Variants in STPG1 observed in about 807,000 individuals in gnomAD.
STPG1 encodes sperm tail PG-rich repeat containing 1, also known as O(6)-methylguanine-induced apoptosis 2.
In STPG1, 33 loss-of-function variants were observed where a neutral mutation model predicts 40.1. The observed-to-expected ratio is 0.82, with a 90% CI of 0.62 to 1.10. STPG1 has a LOEUF of 1.10. Ranked by LOEUF, STPG1 falls within the 50% of genes least tolerant of loss-of-function variation. STPG1 has a pLI of 0.00. For missense variants in STPG1, 396 were observed against 415.1 expected (o/e 0.95, Z 0.40); for synonymous variants, 150 against 155.0 (o/e 0.97, Z 0.24).
chr1:24,388,188 G>A (rs569372815), intron 3 of STPG1, among the ~76,000 whole-genome samples: 51 of 152,166 alleles, frequency 3.4e-4, no homozygotes, highest in African/African-American at 1.2e-3. Context: ...TTATTTTTAG[G>A]ATGAGGAAAC....
intron 3 of STPG1, 53 bp downstream of exon 3, chr1:24,391,508 G>A (rs138074662): frequency 1.5e-4 from 175 of 1,179,044 alleles, no homozygotes; most frequent in African/African-American, 1.4e-3. Flanking sequence ...TGCCTGTCCC[G>A]CAAGGCTAAA....
chr1:24,382,722 CA>C (rs34205812), intron 4 of STPG1, among the ~76,000 whole-genome samples: 15,420 of 151,922 alleles, frequency 0.1, 805 homozygotes, highest in Non-Finnish European at 0.12. Context: ...CCGATTCTGC[CA>C]AATTCGAATT....
chr1:24,404,971 T>A (rs933781190), intron 1 of STPG1, among the ~76,000 whole-genome samples: 3 of 152,250 alleles, frequency 2.0e-5, no homozygotes, highest in African/African-American at 7.2e-5. Flanking sequence ...TTCTAGCTTT[T>A]TAGGTGGAAG....
chr1:24,412,358 T>A (rs1251616611), intron 1 of STPG1, among the ~76,000 whole-genome samples: 1 of 152,162 alleles, frequency 6.6e-6, no homozygotes, highest in Non-Finnish European at 1.5e-5. Flanking sequence ...GACTCTCTGC[T>A]CAAACCTTCT....
rs1359552977 is a variant in STPG1, at chr1:24,379,636, A to G, written c.462+17T>C. ...TTAATTCGATCTGTATTTAGCAAGC[A>G]TAGGCAGAGTTCTTACATTGTAATA... On this transcript the variant is annotated intron_variant, in intron 5 of 8. Transcript: ENST00000337248. 1 of 1,613,364 alleles carries G rather than the reference A, an allele frequency of 6.2e-7. No individual in the cohort carries two copies. Among genetic ancestry groups the G allele is most frequent in the Non-Finnish European group, 8.5e-7 (1 of 1,179,268 alleles).
rs775581295 is a variant in STPG1, at chr1:24,358,545, A to G, written c.1003T>C (p.Ter335GlnextTer30). The G allele has an allele frequency of 6.2e-7, 1 of 1,613,136 alleles. No individual in the cohort carries two copies. The highest frequency in any genetic ancestry group is 8.5e-7 in the Non-Finnish European group (1 of 1,179,096). ...CTCCTTGACCTTGTGTGACATCCCTACAGAACCGGGATCCATTTCTTGTCC... is the reference window on the plus strand; with the variant it reads ...CTCCTTGACCTTGTGTGACATCCCTGCAGAACCGGGATCCATTTCTTGTCC... ...NEDKKWIPVL* is the reference protein window; with the variant it reads ...NEDKKWIPVLQ Residue 335 changes from the stop codon to glutamine (Q), a stop_lost, in exon 9 of 9, where the codon TAG becomes CAG. Transcript: ENST00000337248.
intron 5 of STPG1, 179 bp downstream of exon 5, chr1:24,379,474 G>A (rs1642181503): frequency 1.6e-6 from 1 of 634,520 alleles, no homozygotes; most frequent in South Asian, 2.0e-5. Context: ...CTGATCTCTG[G>A]GGTCTGCAAA....
intron 1 of STPG1, among the ~76,000 whole-genome samples, chr1:24,404,194 C>A (rs1409576274): frequency 6.6e-6 from 1 of 152,088 alleles, no homozygotes; most frequent in Non-Finnish European, 1.5e-5. Flanking sequence ...GATGATCATA[C>A]AATTGTTCTT....
chr1:24,406,237 A>C (rs1383996259), intron 1 of STPG1, among the ~76,000 whole-genome samples: 2 of 152,118 alleles, frequency 1.3e-5, no homozygotes, highest in African/African-American at 4.8e-5. Context: ...TAAGGTTTAC[A>C]GTATACATCT....
intron 1 of STPG1, among the ~76,000 whole-genome samples, chr1:24,405,210 G>A (rs1643368789): frequency 6.6e-6 from 1 of 152,082 alleles, no homozygotes; most frequent in Non-Finnish European, 1.5e-5. Flanking sequence ...TGCCCACCTT[G>A]GCCTCCCAAA....
rs1305011623 is a variant in STPG1, at chr1:24,359,931, T to G, written c.928+920A>C. ...TGTAACAGGGGATCCCTACTTATGC[T>G]TGCCTGTAAAAAGAGTGTGGCGCTA... On this transcript the variant is annotated intron_variant, in intron 8 of 8. Coordinates refer to ENST00000337248, the MANE Select transcript of STPG1 (RefSeq NM_001199013.2). The surrounding 1 kb of genome is among the most constrained non-coding windows in gnomAD (Gnocchi z 5.3). 6.6e-6 allele frequency among the ~76,000 whole-genome samples: 1 copy of G among 152,162 alleles called. No individual in the cohort carries two copies. The highest frequency in any genetic ancestry group is 2.4e-5 in the African/African-American group (1 of 41,434).
At chr1:24,385,198 A>G in intron 3 of STPG1, among the ~76,000 whole-genome samples, 1 of 152,174 alleles carries the variant, frequency 6.6e-6, no homozygotes, top group East Asian at 1.9e-4. Flanking sequence ...GCAGTGTGTA[A>G]TTATGGTTTC....
intron 2 of STPG1, among the ~76,000 whole-genome samples, chr1:24,392,360 G>C (rs1205009690): frequency 1.3e-5 from 2 of 152,210 alleles, no homozygotes; most frequent in Non-Finnish European, 2.9e-5. Flanking sequence ...ATAGCAGGTT[G>C]ATTATAGACT....
intron 3 of STPG1, among the ~76,000 whole-genome samples, chr1:24,386,391 AAG>A (rs1239076527): frequency 1.8e-4 from 27 of 152,236 alleles, no homozygotes; most frequent in African/African-American, 5.3e-4. Flanking sequence ...AGTGAGCAAA[AAG>A]AGAGTCCTCC....
chr1:24,376,972 T>G (rs982281354), intron 5 of STPG1, among the ~76,000 whole-genome samples: 1 of 152,002 alleles, frequency 6.6e-6, no homozygotes, highest in African/African-American at 2.4e-5. Flanking sequence ...AAAAAATATG[T>G]CAGATTGGCT....
At position 24,360,765 on chromosome 1, in the gene STPG1, A is replaced by G. The variant is rs1202273124; in HGVS notation, c.928+86T>C. The G allele has an allele frequency of 3.2e-6, 4 of 1,258,196 alleles. No individual in the cohort carries two copies. In the East Asian group the frequency reaches 9.4e-5, roughly 30 times the overall value. The allele number at this position is 1,258,196 out of a possible 1,614,324, so 77.9% of individuals were successfully genotyped here. On this transcript the variant is annotated intron_variant, in intron 8 of 8. Transcript: ENST00000337248. ...CTGTAACCTATTTGGGAAACAACCT[A>G]TAAATCAATGGCATTTGATGACCCA...
intron 2 of STPG1, among the ~76,000 whole-genome samples, chr1:24,395,823 T>A (rs1234057006): frequency 6.6e-6 from 1 of 151,994 alleles, no homozygotes; most frequent in Non-Finnish European, 1.5e-5. Flanking sequence ...TTGGGAGGCC[T>A]CCTCACCAAA....
chr1:24,404,737 C>T (rs1168043622), intron 1 of STPG1, among the ~76,000 whole-genome samples: 2 of 152,166 alleles, frequency 1.3e-5, no homozygotes, highest in African/African-American at 4.8e-5. Flanking sequence ...TCTGCAGGTT[C>T]TGTAGTGATG....
intron 5 of STPG1, among the ~76,000 whole-genome samples, chr1:24,374,468 C>T (rs1169765724): frequency 6.6e-6 from 1 of 151,940 alleles, no homozygotes; most frequent in East Asian, 1.9e-4. Flanking sequence ...ACCATGTTAA[C>T]CAGGATGGCC....
Sources: gnomAD v4.1 joint callset for allele counts (sites outside exome capture counted in the v4.1 genomes callset) on GRCh38, gnomAD v4.1.1 for gene constraint, Gnocchi (gnomAD v3.1) non-coding constraint, MANE v1.5 for transcripts, NCBI Gene and HGNC (gene_info 2026-07-23, HGNC 2026-07-21) for gene names.